The following USP25 variants were observed in gnomAD, a reference collection of about 807,000 sequenced individuals.
The protein encoded by USP25 is ubiquitin specific peptidase 25.
Under a neutral mutation model 158.5 loss-of-function variants are expected in USP25, and 85 were observed. That is an observed-to-expected ratio of 0.54 (90% CI 0.45 to 0.64). The LOEUF (loss-of-function observed/expected upper bound fraction) is 0.64, where lower values mean the gene tolerates loss of function less well. USP25 is among the 30% of genes least tolerant of loss of function. The pLI is 0.00. For synonymous variants in USP25, 464 were observed against 460.4 expected (o/e 1.01, Z -0.10); for missense variants, 1,242 against 1,327.3 (o/e 0.94, Z 1.00).
chr21:15,739,473 G>C (rs972406190), intron 1 of USP25, among the ~76,000 whole-genome samples: 8 of 152,090 alleles, frequency 5.3e-5, no homozygotes, highest in African/African-American at 1.7e-4. Context: ...TGGTGGAGGG[G>C]TGCTGGTAGT....
At chr21:15,815,722 A>G (rs1428724308) in intron 9 of USP25, among the ~76,000 whole-genome samples, 1 of 152,200 alleles carries the variant, frequency 6.6e-6, no homozygotes, top group Non-Finnish European at 1.5e-5. Flanking sequence ...AACTCTTCTC[A>G]GGAAAAAAAT....
At chr21:15,756,738 G>C (rs866289483) in intron 1 of USP25, among the ~76,000 whole-genome samples, 1 of 152,178 alleles carries the variant, frequency 6.6e-6, no homozygotes, top group South Asian at 2.1e-4. Flanking sequence ...GGAATCTGAA[G>C]ACTTGTAGGT....
At chr21:15,866,203 A>G (rs2039648545) in intron 21 of USP25, 63 bp from the exon 22 acceptor site, 1 of 306,834 alleles carries the variant, frequency 3.3e-6, no homozygotes. Flanking sequence ...TGATTTACAA[A>G]TATATATATA....
rs2040202857 is a variant in USP25, at chr21:15,879,014, CT to C, written c.*543del. The C allele has an allele frequency of 6.6e-6, 1 of 152,358 alleles. No individual in the cohort carries two copies. Among genetic ancestry groups the C allele is most frequent in the South Asian group, 2.1e-4 (1 of 4,818 alleles). 9.4% of individuals were successfully genotyped at this position (152,358 alleles called of 1,614,324 possible). A position where few individuals can be genotyped will look rare whatever the true frequency, so the allele number is the denominator to read the frequency against. ...TGGATAGTTAATAGATTAATACAAT[CT>C]TTTAATTCTGCTCTAATGCTAGCAA... is the stretch of plus-strand genomic sequence containing the variant. On this transcript the variant is annotated 3_prime_UTR_variant, in exon 26 of 26. Transcript: ENST00000400183.
At chr21:15,783,181 T>G (rs1441039076) in intron 4 of USP25, among the ~76,000 whole-genome samples, 1 of 150,032 alleles carries the variant, frequency 6.7e-6, no homozygotes, top group Non-Finnish European at 1.5e-5. Flanking sequence ...TGAAGACAGA[T>G]CGTTTGAAAT....
chr21:15,787,962 A>G (rs541549369), intron 4 of USP25, among the ~76,000 whole-genome samples: 2 of 135,500 alleles, frequency 1.5e-5, no homozygotes, highest in South Asian at 4.9e-4. Context: ...ATGATCTACC[A>G]TATGTAAATG....
At chr21:15,754,652 CA>C (rs1472147993) in intron 1 of USP25, among the ~76,000 whole-genome samples, 2 of 152,086 alleles carry the variant, frequency 1.3e-5, no homozygotes, top group Admixed American at 6.6e-5. Context: ...AGAGGAATGC[CA>C]GGGGGAAAGC....
At position 15,730,595 on chromosome 21, in the gene USP25, C is replaced by T. The variant is rs148295180; in HGVS notation, c.45+157C>T. 8.0e-3 allele frequency among the ~76,000 whole-genome samples: 1,218 copies of T among 152,278 alleles called. 12 individuals are homozygous for T. The highest frequency in any genetic ancestry group is 0.025 in the African/African-American group (1,047 of 41,572). ...GCCCATCGCCTCGGGGGCGTCGCGC[C>T]CAGAGCCCAGCTGCGTGTGGGAAGC... is the stretch of plus-strand genomic sequence containing the variant. On this transcript the variant is annotated intron_variant, in intron 1 of 25. Transcript: ENST00000400183.
Position 15,830,560 on chromosome 21 carries a change from C to A in USP25, c.1723C>A (p.Arg575=), listed in dbSNP as rs1330745847. The A allele has an allele frequency of 6.2e-7, 1 of 1,604,456 alleles. No individual in the cohort carries two copies. Among genetic ancestry groups the A allele is most frequent in the Non-Finnish European group, 8.5e-7 (1 of 1,175,692 alleles). The change falls in exon 15 of 26, where the codon CGA becomes AGA. Residue 575 remains arginine (R), a synonymous_variant. Coordinates refer to ENST00000400183, the MANE Select transcript of USP25 (RefSeq NM_001283041.3). ...DLQESISRIH[R]TIELMYSDKS... The stretch of plus-strand genomic sequence containing the variant: ...GCAGGAAAGCATATCCAGAATCCAT[C>A]GAACAATTGAATTAATGTACTCTGA...
chr21:15,841,239 TC>T (rs1272596769), intron 17 of USP25, among the ~76,000 whole-genome samples: 1 of 152,190 alleles, frequency 6.6e-6, no homozygotes, highest in African/African-American at 2.4e-5. Context: ...ATGTCTTGAT[TC>T]TAGCCAATTT....
intron 2 of USP25, among the ~76,000 whole-genome samples, chr21:15,764,316 CTTT>C (rs61313473): frequency 3.9e-5 from 5 of 127,704 alleles, no homozygotes; most frequent in South Asian, 2.5e-4. Context: ...GGGGAATTTG[CTTT>C]TTTTTTTTTT....
At chr21:15,860,549 G>T (rs1198137485) in intron 20 of USP25, among the ~76,000 whole-genome samples, 1 of 152,078 alleles carries the variant, frequency 6.6e-6, no homozygotes, top group Non-Finnish European at 1.5e-5. Context: ...GAATAATTTA[G>T]AGCCATATTT....
intron 4 of USP25, among the ~76,000 whole-genome samples, chr21:15,786,982 G>A (rs1442192985): frequency 6.6e-6 from 1 of 151,802 alleles, no homozygotes; most frequent in Non-Finnish European, 1.5e-5. Flanking sequence ...TGAGTTATTT[G>A]AAAAAATAAG....
chr21:15,868,787 A>G (rs2039763686), intron 22 of USP25, among the ~76,000 whole-genome samples: 1 of 152,204 alleles, frequency 6.6e-6, no homozygotes, highest in South Asian at 2.1e-4. Context: ...CTGGCCTTTT[A>G]CAGAAAAAGT....
intron 5 of USP25, among the ~76,000 whole-genome samples, chr21:15,794,301 A>G (rs1403939538): frequency 2.6e-5 from 4 of 151,674 alleles, no homozygotes; most frequent in African/African-American, 9.7e-5. Context: ...TAAGAAAGGG[A>G]ATATAAACAA....
chr21:15,797,071 G>T (rs900424158), intron 5 of USP25, among the ~76,000 whole-genome samples: 6 of 151,404 alleles, frequency 4.0e-5, no homozygotes, highest in Non-Finnish European at 5.9e-5. Context: ...TAGCCAACTG[G>T]TAAATTAATC....
intron 22 of USP25, among the ~76,000 whole-genome samples, chr21:15,867,924 T>A (rs1241486647): frequency 6.6e-6 from 1 of 152,106 alleles, no homozygotes; most frequent in East Asian, 1.9e-4. Flanking sequence ...TAGATATCAC[T>A]TTTCCCCCAA....
chr21:15,730,326 G>C lies in USP25; in HGVS notation c.-68G>C. The C allele has an allele frequency of 9.4e-7, 1 of 1,062,836 alleles. No individual in the cohort carries two copies. The highest frequency in any genetic ancestry group is 7.6e-5 in the East Asian group (1 of 13,140). 65.8% of individuals were successfully genotyped at this position (1,062,836 alleles called of 1,614,324 possible). On this transcript the variant is annotated 5_prime_UTR_variant, in exon 1 of 26. Coordinates refer to ENST00000400183, the MANE Select transcript of USP25 (RefSeq NM_001283041.3). Reference sequence around the variant, plus strand: ...CCCTGGAGCTCGGCGGAGCGCGGCAGCCAGGGCCGGCGGAGGCGCGAGGAG... The same window carrying C: ...CCCTGGAGCTCGGCGGAGCGCGGCACCCAGGGCCGGCGGAGGCGCGAGGAG...
intron 5 of USP25, among the ~76,000 whole-genome samples, chr21:15,796,528 C>T (rs1328968035): frequency 1.3e-5 from 2 of 151,368 alleles, no homozygotes; most frequent in Admixed American, 1.3e-4. Context: ...AATTTTTGCA[C>T]AAAGTTTGAG....
Sources: gnomAD v4.1 joint callset for allele counts (sites outside exome capture counted in the v4.1 genomes callset) on GRCh38, gnomAD v4.1.1 for gene constraint, MANE v1.5 for transcripts, NCBI Gene and HGNC (gene_info 2026-07-23, HGNC 2026-07-21) for gene names.